TNRC6A: variants seen among roughly 807,000 people sequenced by gnomAD.
TNRC6A encodes trinucleotide repeat-containing gene 6A protein.
In TNRC6A, 44 loss-of-function variants were observed where a neutral mutation model predicts 221.2. That is an observed-to-expected ratio of 0.20 (90% CI 0.16 to 0.26). The LOEUF (loss-of-function observed/expected upper bound fraction) is 0.26. Among genes scored for constraint, TNRC6A ranks in the 10% least tolerant of loss-of-function variants. The pLI is 1.00. For synonymous variants in TNRC6A, 847 were observed against 838.5 expected, an observed-to-expected ratio of 1.01 and a Z score of -0.18; for missense variants, 2,199 against 2,404.4, an observed-to-expected ratio of 0.91 and a Z score of 1.79.
intron 1 of TNRC6A, among the ~76,000 whole-genome samples, chr16:24,613,207 G>A (rs899158402): frequency 4.7e-5 from 7 of 149,760 alleles, no homozygotes; most frequent in African/African-American, 1.7e-4. Context: ...TTGGTCAAAA[G>A]AGGCCTCTCT....
At chr16:24,794,849 C>A (rs1469014828) in intron 8 of TNRC6A, 130 bp downstream of exon 8, 12 of 717,134 alleles carry the variant, frequency 1.7e-5, no homozygotes, top group Non-Finnish European at 2.6e-5. Context: ...TTAGGTATAG[C>A]CACTTGTATG....
At chr16:24,633,748 T>A (rs1402885063) in intron 1 of TNRC6A, among the ~76,000 whole-genome samples, 3 of 151,346 alleles carry the variant, frequency 2.0e-5, no homozygotes, top group African/African-American at 7.3e-5. Context: ...TTCCTCCCAA[T>A]AGAATTTAAG....
intron 18 of TNRC6A, among the ~76,000 whole-genome samples, chr16:24,810,195 A>G (rs553008319): frequency 6.6e-6 from 1 of 152,366 alleles, no homozygotes; most frequent in South Asian, 2.1e-4. Context: ...ATATGGATTT[A>G]ACAGTATTGT....
chr16:24,742,907 G>C (rs1596590260), intron 2 of TNRC6A, among the ~76,000 whole-genome samples: 1 of 152,096 alleles, frequency 6.6e-6, no homozygotes, highest in Non-Finnish European at 1.5e-5. Flanking sequence ...CTCCAGCCTG[G>C]GTGACAGAGC....
At chr16:24,646,756 T>G (rs1307080915) in intron 2 of TNRC6A, among the ~76,000 whole-genome samples, 1 of 152,182 alleles carries the variant, frequency 6.6e-6, no homozygotes, top group South Asian at 2.1e-4. Context: ...CCTTTTTGAA[T>G]AAATATACCC....
At chr16:24,769,318 G>T (rs1274702516) in intron 4 of TNRC6A, among the ~76,000 whole-genome samples, 1 of 151,920 alleles carries the variant, frequency 6.6e-6, no homozygotes, top group Non-Finnish European at 1.5e-5. Context: ...TCCTGATTTG[G>T]AACACAGACT....
At position 24,794,726 on chromosome 16, in the gene TNRC6A, A is replaced by G; in HGVS notation, c.3528+7A>G. 5 of 1,603,600 alleles carry G rather than the reference A, an allele frequency of 3.1e-6. No individual in the cohort carries two copies. The highest frequency in any genetic ancestry group is 4.3e-6 in the Non-Finnish European group (5 of 1,176,372). On this transcript the variant is annotated splice_region_variant and intron_variant, in intron 8 of 24. Transcript: ENST00000395799. ...AAAGAAAATGTCATCGAAGGTAAAC[A>G]TTTCAAGGGCAAAGCCCTTGAAACT... is the stretch of plus-strand genomic sequence containing the variant.
At chr16:24,774,384 C>T (rs1209113628) in intron 4 of TNRC6A, among the ~76,000 whole-genome samples, 1 of 152,128 alleles carries the variant, frequency 6.6e-6, no homozygotes, top group Non-Finnish European at 1.5e-5. Context: ...GAAATGAATA[C>T]CTATCTCAGC....
chr16:24,759,881 G>A (rs1203178387), intron 4 of TNRC6A, among the ~76,000 whole-genome samples: 1 of 152,174 alleles, frequency 6.6e-6, no homozygotes, highest in African/African-American at 2.4e-5. Flanking sequence ...CAGTTACAAG[G>A]ATGCGGAATG....
At chr16:24,675,720 A>C (rs1456160215) in intron 2 of TNRC6A, among the ~76,000 whole-genome samples, 100 of 128,948 alleles carry the variant, frequency 7.8e-4, no homozygotes, top group African/African-American at 1.4e-3. Context: ...ATATATATAT[A>C]TATATATATA....
intron 2 of TNRC6A, among the ~76,000 whole-genome samples, chr16:24,695,024 C>T (rs1195543618): frequency 6.6e-6 from 1 of 152,140 alleles, no homozygotes; most frequent in African/African-American, 2.4e-5. Context: ...GCTGTTGGGG[C>T]CCTGCAGCTT....
chr16:24,727,025 C>CTTT (rs371206942), upstream of TNRC6A, among the ~76,000 whole-genome samples: 3 of 138,708 alleles, frequency 2.2e-5, no homozygotes, highest in East Asian at 2.1e-4. Flanking sequence ...GAAATCACAT[C>CTTT]TTTTTTTTTT....
At chr16:24,819,711 T>TGG in intron 21 of TNRC6A, 1 of 214,544 alleles carries the variant, frequency 4.7e-6, no homozygotes, top group South Asian at 7.3e-5. Flanking sequence ...AAGATCTCCT[T>TGG]TGGCAGCTCC....
At chr16:24,749,119 G>A (rs911253631) in intron 2 of TNRC6A, among the ~76,000 whole-genome samples, 6 of 152,122 alleles carry the variant, frequency 3.9e-5, no homozygotes, top group Non-Finnish European at 8.8e-5. Flanking sequence ...GCTTTTCTTT[G>A]GGTAACTGGT....
intron 1 of TNRC6A, among the ~76,000 whole-genome samples, chr16:24,612,682 G>T (rs1900115677): frequency 6.6e-6 from 1 of 152,036 alleles, no homozygotes; most frequent in Admixed American, 6.6e-5. Context: ...AGGAGGTCGA[G>T]GCTGCAGTGA....
intron 2 of TNRC6A, among the ~76,000 whole-genome samples, chr16:24,744,678 A>T (rs1336819030): frequency 3.9e-5 from 6 of 152,166 alleles, no homozygotes; most frequent in Non-Finnish European, 8.8e-5. Flanking sequence ...ACCTGTTTGT[A>T]TGCTATTCTC....
intron 2 of TNRC6A, among the ~76,000 whole-genome samples, chr16:24,739,863 T>G (rs566843976): frequency 1.3e-5 from 2 of 152,304 alleles, no homozygotes; most frequent in East Asian, 3.9e-4. Context: ...TTTCTGTTAC[T>G]TGTGTTGTTG....
At chr16:24,620,842 T>C (rs1900629520) in intron 1 of TNRC6A, among the ~76,000 whole-genome samples, 1 of 151,386 alleles carries the variant, frequency 6.6e-6, no homozygotes, top group Non-Finnish European at 1.5e-5. Context: ...TCCCAGCACT[T>C]TGGGAGGCCG....
intron 2 of TNRC6A, among the ~76,000 whole-genome samples, chr16:24,671,530 G>A (rs1192304072): frequency 6.6e-6 from 1 of 152,218 alleles, no homozygotes; most frequent in African/African-American, 2.4e-5. Flanking sequence ...GCGCTGTGCA[G>A]GCACTATGCC....
Sources: gnomAD v4.1 joint callset for allele counts (sites outside exome capture counted in the v4.1 genomes callset) on GRCh38, gnomAD v4.1.1 for gene constraint, MANE v1.5 for transcripts, NCBI Gene and HGNC (gene_info 2026-07-23, HGNC 2026-07-21) for gene names.